The following GBX1 variants were observed in gnomAD, a reference collection of about 807,000 sequenced individuals.
The protein encoded by GBX1 is homeobox protein GBX-1.
Under a neutral mutation model 22.9 loss-of-function variants are expected in GBX1, and 9 were observed. The observed-to-expected ratio is 0.39, with a 90% confidence interval of 0.24 to 0.69. GBX1 has a LOEUF of 0.69. Among genes scored for constraint, GBX1 ranks in the 30% least tolerant of loss-of-function variants. The probability of loss-of-function intolerance (pLI) is 0.43; values close to 1 mark genes in which losing one functional copy is unlikely to be tolerated. For synonymous variants in GBX1, 203 were observed against 227.3 expected (o/e 0.89, Z 0.96); for missense variants, 494 against 509.2 (o/e 0.97, Z 0.29).
At position 151,159,533 on chromosome 7, in the gene GBX1, C is replaced by T. The variant is rs138719653; in HGVS notation, c.538+7478G>A. On this transcript the variant is annotated intron_variant, in intron 1 of 1. Coordinates refer to ENST00000297537, the MANE Select transcript of GBX1 (RefSeq NM_001098834.3). Reference sequence around the variant, plus strand: ...CTGAGTAGCTGGGACTAGAGATACACACCACCATACCTGGCAAATTTCTTT... The same window carrying T: ...CTGAGTAGCTGGGACTAGAGATACATACCACCATACCTGGCAAATTTCTTT... 3.7e-4 allele frequency among the ~76,000 whole-genome samples: 57 copies of T among 152,316 alleles called. No homozygotes were observed. In the East Asian group the frequency reaches 0.01, roughly 28 times the overall value.
intron 1 of GBX1, among the ~76,000 whole-genome samples, chr7:151,160,044 T>C (rs1017741759): frequency 1.3e-5 from 2 of 152,188 alleles, no homozygotes; most frequent in African/African-American, 4.8e-5. Context: ...CTGAAAAGTA[T>C]AGTTTCCCCA....
intron 1 of GBX1, among the ~76,000 whole-genome samples, chr7:151,160,852 T>G (rs933483953): frequency 2.1e-4 from 32 of 152,322 alleles, no homozygotes; most frequent in Middle Eastern, 3.4e-3. Context: ...AATCCAGGCC[T>G]TTTGTCGGTT....
chr7:151,154,775 G>C (rs1198051880), intron 1 of GBX1, among the ~76,000 whole-genome samples: 1 of 152,170 alleles, frequency 6.6e-6, no homozygotes, highest in African/African-American at 2.4e-5. Flanking sequence ...AAGAGGAAGG[G>C]GAGCAGCTCC....
At position 151,167,247 on chromosome 7, in the gene GBX1, A is replaced by C. The variant is rs1801268241; in HGVS notation, c.302T>G (p.Leu101Arg). The change falls in exon 1 of 2, where the codon CTG becomes CGG. Residue 101 changes from leucine to arginine, a missense_variant. Physicochemically the swap from Leu to Arg is moderately radical, Grantham distance 102. Coordinates refer to ENST00000297537, the MANE Select transcript of GBX1 (RefSeq NM_001098834.3). This position sits in a 1 kb window ranked among gnomAD's most constrained non-coding sequence, Gnocchi z 5.9. ...LGQAVPSMVALTTALPSFAEP... is the reference protein window; with the variant it reads ...LGQAVPSMVARTTALPSFAEP... Reference sequence around the variant, plus strand: ...CGCGAAGCTGGGCAGCGCGGTGGTCAGCGCCACCATCGAGGGCACAGCCTG... The same window carrying C: ...CGCGAAGCTGGGCAGCGCGGTGGTCCGCGCCACCATCGAGGGCACAGCCTG... 1.3e-6 allele frequency: 2 copies of C among 1,550,982 alleles called. No individual in the cohort carries two copies. The highest frequency in any genetic ancestry group is 2.8e-5 in the African/African-American group (2 of 71,404).
At chr7:151,157,625 C>T (rs545832569) in intron 1 of GBX1, among the ~76,000 whole-genome samples, 2 of 152,088 alleles carry the variant, frequency 1.3e-5, no homozygotes, top group Admixed American at 6.5e-5. Flanking sequence ...GGTAGACATC[C>T]GTTTTGGGTT....
At chr7:151,166,069 G>A (rs73478605) in intron 1 of GBX1, among the ~76,000 whole-genome samples, 8,777 of 152,214 alleles carry the variant, frequency 0.058, 509 homozygotes, top group African/African-American at 0.15. Context: ...CCAGCAAATT[G>A]TATAAGCTTT....
In GBX1 at chr7:151,151,846, C is replaced by T. The variant is rs1216100256; in HGVS notation, c.539-2704G>A. Among the ~76,000 whole-genome samples the T allele has an allele frequency of 2.0e-5, 3 of 152,308 alleles. No homozygotes were observed. The East Asian group carries it at 5.8e-4, about 29-fold the overall frequency. On this transcript the variant is annotated intron_variant, in intron 1 of 1. Transcript: ENST00000297537. ...TCCACACTCCACCTGGCCCATGATT[C>T]CTCTTTCTGTCTGGAATACACTACT...
chr7:151,148,954 C>T lies in GBX1; in HGVS notation c.727G>A (p.Gly243Arg). The change falls in exon 2 of 2, where the codon GGA (glycine) becomes AGA (arginine). Residue 243 changes from glycine to arginine, a missense_variant. Coordinates refer to ENST00000297537, the MANE Select transcript of GBX1 (RefSeq NM_001098834.3). The surrounding 1 kb of genome is among the most constrained non-coding windows in gnomAD (Gnocchi z 5.1). ...GTCACCGGTGCCCCCTCCTCAGCTC[C>T]AGTCCCCAGGCTTCCCTTTAGCTTC... ...KPKLKGSLGT[G>R]AEEGAPVTAG... 1 of 1,614,134 alleles carries T rather than the reference C, an allele frequency of 6.2e-7. No homozygotes were observed. Among genetic ancestry groups the T allele is most frequent in the Non-Finnish European group, 8.5e-7 (1 of 1,180,030 alleles).
chr7:151,162,779 C>A (rs935962660), intron 1 of GBX1, among the ~76,000 whole-genome samples: 9 of 151,324 alleles, frequency 5.9e-5, no homozygotes. Context: ...GCTCTAGACA[C>A]CCCCAACTCA....
intron 1 of GBX1, among the ~76,000 whole-genome samples, chr7:151,155,977 G>A (rs569348715): frequency 3.2e-4 from 48 of 152,212 alleles, no homozygotes; most frequent in African/African-American, 9.4e-4. Flanking sequence ...TGCAGTTAAC[G>A]CTGTTTTCAT....
chr7:151,167,582 C>T lies in GBX1; in HGVS notation c.-34G>A, dbSNP rs1272625360. ...GAGCTGCGGCCGCCCCGGGGCGCTCCTCTCTGGGCGCCTCCGTGCGCCCCG... is the reference window on the plus strand; with the variant it reads ...GAGCTGCGGCCGCCCCGGGGCGCTCTTCTCTGGGCGCCTCCGTGCGCCCCG... On this transcript the variant is annotated 5_prime_UTR_variant, in exon 1 of 2. Coordinates refer to ENST00000297537, the MANE Select transcript of GBX1 (RefSeq NM_001098834.3). The surrounding 1 kb of genome is among the most constrained non-coding windows in gnomAD (Gnocchi z 5.9). The T allele has an allele frequency of 4.4e-6, 6 of 1,361,218 alleles. No individual in the cohort carries two copies. The highest frequency in any genetic ancestry group is 2.8e-6 in the Non-Finnish European group (3 of 1,066,320). The allele number at this position is 1,361,218 out of a possible 1,614,324, so 84.3% of individuals were successfully genotyped here. A position where few individuals can be genotyped will look rare whatever the true frequency, so the allele number is the denominator to read the frequency against.
At chr7:151,163,060 C>A (rs1237631836) in intron 1 of GBX1, among the ~76,000 whole-genome samples, 1 of 152,146 alleles carries the variant, frequency 6.6e-6, no homozygotes, top group Non-Finnish European at 1.5e-5. Flanking sequence ...CCCATCTCGG[C>A]CTCCCAAAGT....
Position 151,148,040 on chromosome 7 carries a change from A to G in GBX1, c.*549T>C, listed in dbSNP as rs1801033685. Reference sequence around the variant, plus strand: ...TTGCATTTCATTTCTTTGTAAAGAGAGGCAAGATGGGGCCTACCCCAAAGC... The same window carrying G: ...TTGCATTTCATTTCTTTGTAAAGAGGGGCAAGATGGGGCCTACCCCAAAGC... On this transcript the variant is annotated 3_prime_UTR_variant, in exon 2 of 2. Transcript: ENST00000297537. This position sits in a 1 kb window ranked among gnomAD's most constrained non-coding sequence, Gnocchi z 5.1. Among the ~76,000 whole-genome samples, 1 of 152,166 alleles carries G rather than the reference A, an allele frequency of 6.6e-6. No homozygotes were observed. Among genetic ancestry groups the G allele is most frequent in the African/African-American group, 2.4e-5 (1 of 41,446 alleles).
chr7:151,148,905 C>T lies in GBX1; in HGVS notation c.776G>A (p.Gly259Glu), dbSNP rs865819643. 1 of 1,614,148 alleles carries T rather than the reference C, an allele frequency of 6.2e-7. No homozygotes were observed. Among genetic ancestry groups the T allele is most frequent in the South Asian group, 1.1e-5 (1 of 91,080 alleles). Residue 259 changes from glycine (G) to glutamate (E), a missense_variant, in exon 2 of 2, where the codon GGG (glycine) becomes GAG (glutamate). By Grantham distance (98) the Gly-to-Glu change is moderately conservative (BLOSUM62 -2). This residue lies in a region of GBX1 where 124 missense variants were observed against 152.0 expected (regional missense o/e 0.82). Coordinates refer to ENST00000297537, the MANE Select transcript of GBX1 (RefSeq NM_001098834.3). This position sits in a 1 kb window ranked among gnomAD's most constrained non-coding sequence, Gnocchi z 5.1. ...TGCTGTGCGGCGCCGTCGGCTTTTC[C>T]CCCCAGGAGCTGTGACCCCTGCTGT... ...PVTAGVTAPG[G>E]KSRRRRTAFT... is the part of the protein sequence containing the mutation.
chr7:151,149,083 C>A lies in GBX1; in HGVS notation c.598G>T (p.Ala200Ser). ...EKLEASAGDPAGSEQEEEGSG... is the reference protein window; with the variant it reads ...EKLEASAGDPSGSEQEEEGSG... ...CCCTCTTCCTCCTGTTCGCTGCCTG[C>A]TGGGTCTCCTGCTGATGCCTCCAGC... The change falls in exon 2 of 2, where the codon GCA becomes TCA. Residue 200 changes from alanine (A) to serine (S), a missense_variant. Ala to Ser is a moderately conservative substitution (Grantham distance 99). Around this residue, in one of 3 missense-constraint regions of GBX1, gnomAD observed 365 missense variants for 340.4 expected, o/e 1.07. Transcript: ENST00000297537. 1 of 1,612,984 alleles carries A rather than the reference C, an allele frequency of 6.2e-7. No individual in the cohort carries two copies.
intron 1 of GBX1, among the ~76,000 whole-genome samples, chr7:151,150,780 C>T (rs999750720): frequency 6.6e-6 from 1 of 152,144 alleles, no homozygotes; most frequent in Non-Finnish European, 1.5e-5. Context: ...GTCAGCAAGG[C>T]TGGAGTATAG....
In GBX1 at chr7:151,167,121, C is replaced by T. The variant is rs1304937276; in HGVS notation, c.428G>A (p.Arg143His). ...ARNNPEPGGR[R>H]PEGGLEADEL... ...ATCAGCTTCCAGCCCACCCTCTGGG[C>T]GTCGGCCGCCTGGCTCGGGGTTGTT... is the stretch of plus-strand genomic sequence containing the variant. Residue 143 changes from arginine (R) to histidine (H), a missense_variant, in exon 1 of 2, where the codon CGC becomes CAC. Around this residue, in one of 3 missense-constraint regions of GBX1, gnomAD observed 365 missense variants for 340.4 expected, o/e 1.07. Transcript: ENST00000297537. The surrounding 1 kb of genome is among the most constrained non-coding windows in gnomAD (Gnocchi z 5.9). 1.9e-6 allele frequency: 3 copies of T among 1,601,776 alleles called. No homozygotes were observed. Among genetic ancestry groups the T allele is most frequent in the Non-Finnish European group, 1.7e-6 (2 of 1,176,114 alleles).
At chr7:151,150,803 G>A (rs1801071575) in intron 1 of GBX1, among the ~76,000 whole-genome samples, 1 of 152,024 alleles carries the variant, frequency 6.6e-6, no homozygotes, top group Non-Finnish European at 1.5e-5. Flanking sequence ...CACAGTCTTG[G>A]CCCACTGCAG....
At position 151,148,744 on chromosome 7, in the gene GBX1, G is replaced by A. The variant is rs1267406579; in HGVS notation, c.937C>T (p.Arg313Trp). The A allele has an allele frequency of 3.1e-6, 5 of 1,614,166 alleles. No individual in the cohort carries two copies. The highest frequency in any genetic ancestry group is 4.2e-6 in the Non-Finnish European group (5 of 1,180,038). The change falls in exon 2 of 2, where the codon CGG becomes TGG. Residue 313 changes from arginine to tryptophan, a missense_variant. By Grantham distance (101) the Arg-to-Trp change is moderately radical. This residue lies in a region of GBX1 where 124 missense variants were observed against 152.0 expected (regional missense o/e 0.82). Coordinates refer to ENST00000297537, the MANE Select transcript of GBX1 (RefSeq NM_001098834.3). The surrounding 1 kb of genome is among the most constrained non-coding windows in gnomAD (Gnocchi z 5.1). ...GCTTTGATGCGCTTCCACTTGGCCC[G>A]TCGATTCTGAAACCAGATCTTGACC... is the stretch of plus-strand genomic sequence containing the variant. ...VQVKIWFQNR[R>W]AKWKRIKAGN...
Sources: allele counts gnomAD v4.1 joint callset (sites outside exome capture counted in the v4.1 genomes callset), GRCh38; gene constraint gnomAD v4.1.1; regional missense constraint gnomAD v4.1.1; non-coding constraint Gnocchi (gnomAD v3.1); transcripts MANE v1.5; gene names NCBI Gene and HGNC (gene_info 2026-07-23, HGNC 2026-07-21).